ABHD12: variants seen among roughly 807,000 people sequenced by gnomAD.
ABHD12 encodes abhydrolase domain containing 12, lysophospholipase.
Under a neutral mutation model 58.3 loss-of-function variants are expected in ABHD12, and 43 were observed. That is an observed-to-expected ratio of 0.74 (90% CI 0.58 to 0.95). ABHD12 has a LOEUF of 0.95. Ranked by LOEUF, ABHD12 falls within the 40% of genes least tolerant of loss-of-function variation. ABHD12 has a pLI of 0.00. For missense variants in ABHD12, 539 were observed against 537.2 expected (o/e 1.00, Z -0.03); for synonymous variants, 219 against 211.2 (o/e 1.04, Z -0.32).
At chr20:25,340,332 T>A (rs1011723054) in intron 1 of ABHD12, among the ~76,000 whole-genome samples, 1 of 151,932 alleles carries the variant, frequency 6.6e-6, no homozygotes, top group Non-Finnish European at 1.5e-5. Flanking sequence ...TAGTGAGGAG[T>A]GACATTAACA....
chr20:25,382,392 C>A (rs2090032401), intron 1 of ABHD12, among the ~76,000 whole-genome samples: 1 of 152,132 alleles, frequency 6.6e-6, no homozygotes, highest in Admixed American at 6.5e-5. Flanking sequence ...TGCCAAAGCA[C>A]AAGCACACTG....
chr20:25,311,327 C>T (rs542004655), intron 6 of ABHD12, among the ~76,000 whole-genome samples: 1 of 152,148 alleles, frequency 6.6e-6, no homozygotes, highest in Non-Finnish European at 1.5e-5. Flanking sequence ...AGCCAGATGA[C>T]CTGGGACTCA....
At chr20:25,362,520 C>G (rs966560500) in intron 1 of ABHD12, among the ~76,000 whole-genome samples, 1 of 142,254 alleles carries the variant, frequency 7.0e-6, no homozygotes, top group African/African-American at 2.6e-5. Context: ...GAGCTGAGAT[C>G]GCGCCACTGC....
chr20:25,326,178 G>A (rs969620323), intron 2 of ABHD12, among the ~76,000 whole-genome samples: 3 of 147,978 alleles, frequency 2.0e-5, no homozygotes, highest in Non-Finnish European at 4.5e-5. Context: ...AGGGAGAGAG[G>A]TAGGGAGGGA....
At chr20:25,335,750 C>T (rs1364730995) in intron 2 of ABHD12, among the ~76,000 whole-genome samples, 50 of 147,396 alleles carry the variant, frequency 3.4e-4, no homozygotes, top group African/African-American at 9.8e-4. Flanking sequence ...AGGTGGGAAT[C>T]GAACAATGAG....
At chr20:25,310,230 A>C (rs2088823880) in intron 6 of ABHD12, 1 of 153,154 alleles carries the variant, frequency 6.5e-6, no homozygotes, top group South Asian at 2.1e-4. Flanking sequence ...GGTCAGGGGC[A>C]GGACAGGGAG....
intron 1 of ABHD12, among the ~76,000 whole-genome samples, chr20:25,371,650 C>A (rs1016932571): frequency 3.3e-5 from 5 of 152,198 alleles, no homozygotes; most frequent in African/African-American, 1.2e-4. Flanking sequence ...AGGCCACTGT[C>A]TCAGGGTTCA....
chr20:25,320,779 T>C (rs979442748), intron 3 of ABHD12, among the ~76,000 whole-genome samples: 4 of 152,238 alleles, frequency 2.6e-5, no homozygotes, highest in African/African-American at 4.8e-5. Flanking sequence ...GCAACACCAA[T>C]GTTTGTGAGC....
At chr20:25,318,229 C>T (rs1372215610) in intron 4 of ABHD12, among the ~76,000 whole-genome samples, 1 of 152,166 alleles carries the variant, frequency 6.6e-6, no homozygotes, top group Non-Finnish European at 1.5e-5. Context: ...GCAGGAGAGT[C>T]ACTTGAACTC....
At position 25,390,816 on chromosome 20, in the gene ABHD12, A is replaced by C; in HGVS notation, c.-113T>G. 31 of 646,586 alleles carry C rather than the reference A, an allele frequency of 4.8e-5. No homozygotes were observed. Among genetic ancestry groups the C allele is most frequent in the South Asian group, 1.4e-4 (2 of 13,868 alleles). The allele number at this position is 646,586 out of a possible 1,614,324, so 40.1% of individuals were successfully genotyped here. On this transcript the variant is annotated 5_prime_UTR_variant, in exon 1 of 13. An upstream start codon of the reference 5' UTR is lost. Coordinates refer to ENST00000339157, the MANE Select transcript of ABHD12 (RefSeq NM_001042472.3). ...GAGCCCGGAACCCGCCGCTCCTCAC[A>C]TCCCAGCCCAGGCCGCTGCGCCGGC... is the stretch of plus-strand genomic sequence containing the variant.
intron 2 of ABHD12, among the ~76,000 whole-genome samples, chr20:25,325,043 A>C (rs1000094211): frequency 6.6e-6 from 1 of 151,608 alleles, no homozygotes; most frequent in Non-Finnish European, 1.5e-5. Context: ...CCACCTCTAC[A>C]AAAAATATAA....
chr20:25,320,057 C>T, intron 4 of ABHD12, 142 bp downstream of exon 4: 1 of 1,169,960 alleles, frequency 8.5e-7, no homozygotes, highest in South Asian at 1.4e-5. Context: ...GGGAGGCTCT[C>T]CCTCATTGCA....
intron 1 of ABHD12, among the ~76,000 whole-genome samples, chr20:25,367,476 T>C (rs532704231): frequency 6.6e-6 from 1 of 152,354 alleles, no homozygotes; most frequent in East Asian, 1.9e-4. Flanking sequence ...AATATGTTCA[T>C]ATGTTCATAC....
At chr20:25,320,461 G>T in intron 3 of ABHD12, 143 bp from the exon 4 acceptor site, 1 of 1,110,504 alleles carries the variant, frequency 9.0e-7, no homozygotes, top group Non-Finnish European at 1.3e-6. Context: ...GAACAGATGG[G>T]GGTGGGTGGT....
At chr20:25,370,422 A>T (rs2089885421) in intron 1 of ABHD12, among the ~76,000 whole-genome samples, 1 of 152,218 alleles carries the variant, frequency 6.6e-6, no homozygotes, top group Admixed American at 6.5e-5. Flanking sequence ...TGCCCTCAGA[A>T]GCCCACCCCT....
intron 1 of ABHD12, 36 bp downstream of exon 1, chr20:25,390,477 G>GGGGGGGGGGGGCCCCCCC: frequency 1.0e-5 from 1 of 98,524 alleles, no homozygotes; most frequent in East Asian, 7.1e-4. Flanking sequence ...TGAGGGACCG[G>GGGGGGGGGGGGCCCCCCC]CCCCCCCCCC....
At chr20:25,339,670 CCTGACATCAGACCCCAG>C in intron 1 of ABHD12, 1 of 1,386,498 alleles carries the variant, frequency 7.2e-7, no homozygotes. Flanking sequence ...ATGCCCCCCA[CCTGACATCAGACCCCAG>C]CTGTAACCTC....
chr20:25,303,520 G>C (rs931431592), intron 11 of ABHD12, 30 bp downstream of exon 11: 1 of 1,611,356 alleles, frequency 6.2e-7, no homozygotes, highest in African/African-American at 1.3e-5. Flanking sequence ...CAAGATGCCA[G>C]CTACACCAGA....
At chr20:25,303,954 G>A (rs1568711498) in intron 10 of ABHD12, among the ~76,000 whole-genome samples, 1 of 152,228 alleles carries the variant, frequency 6.6e-6, no homozygotes, top group African/African-American at 2.4e-5. Context: ...GTAAATGAAT[G>A]TTACTAGGAA....
Sources: gnomAD v4.1 joint callset for allele counts (sites outside exome capture counted in the v4.1 genomes callset) on GRCh38, gnomAD v4.1.1 for gene constraint, MANE v1.5 for transcripts, NCBI Gene and HGNC (gene_info 2026-07-23, HGNC 2026-07-21) for gene names.